Variants in C1orf94 observed in about 807,000 individuals in gnomAD.
C1orf94 encodes the protein chromosome 1 open reading frame 94, also known as uncharacterized protein C1orf94.
Under a neutral mutation model 53.6 loss-of-function variants are expected in C1orf94, and 45 were observed. The ratio of observed to expected loss-of-function variants is 0.84; its 90% confidence interval spans 0.66 to 1.08. C1orf94 has a LOEUF of 1.08. Among genes scored for constraint, C1orf94 ranks in the 50% least tolerant of loss-of-function variants. C1orf94 has a pLI of 0.00. For synonymous variants in C1orf94, 304 were observed against 296.1 expected (o/e 1.03, Z -0.27); for missense variants, 762 against 738.9 (o/e 1.03, Z -0.36).
intron 4 of C1orf94, among the ~76,000 whole-genome samples, chr1:34,202,816 T>G (rs1642733833): frequency 1.3e-5 from 2 of 152,190 alleles, no homozygotes; most frequent in Non-Finnish European, 2.9e-5. Flanking sequence ...GCCCTCTGTA[T>G]CCATGGGTTC....
chr1:34,212,446 A>G (rs1200955179), intron 6 of C1orf94, 40 bp downstream of exon 6: 2 of 1,570,168 alleles, frequency 1.3e-6, no homozygotes, highest in Admixed American at 3.8e-5. Flanking sequence ...GTATCCAGAA[A>G]GCTGGTGGGA....
chr1:34,210,328 C>T (rs1362348225), intron 5 of C1orf94, among the ~76,000 whole-genome samples: 4 of 152,184 alleles, frequency 2.6e-5, no homozygotes, highest in South Asian at 2.1e-4. Context: ...TTGGTGCCTG[C>T]GCCCAGCATC....
At chr1:34,169,912 G>A in intron 1 of C1orf94, among the ~76,000 whole-genome samples, 1 of 152,262 alleles carries the variant, frequency 6.6e-6, no homozygotes, top group East Asian at 1.9e-4. Context: ...AGGTGAGGCT[G>A]TGGGCTTCTG....
Position 34,208,372 on chromosome 1 carries a change from A to T in C1orf94, c.1524+138A>T, listed in dbSNP as rs916299951. 7 of 812,580 alleles carry T rather than the reference A, an allele frequency of 8.6e-6. No individual in the cohort carries two copies. In the Admixed American group the frequency reaches 1.6e-4, roughly 19 times the overall value. 50.3% of individuals were successfully genotyped at this position (812,580 alleles called of 1,614,324 possible). ...TTGGCTCTGGAGTACAGACTCACATACCGGCATGCGTGTGGAAAACACAAA... is the reference window on the plus strand; with the variant it reads ...TTGGCTCTGGAGTACAGACTCACATTCCGGCATGCGTGTGGAAAACACAAA... On this transcript the variant is annotated intron_variant, in intron 5 of 6. Transcript: ENST00000488417.
chr1:34,209,556 C>G (rs528386894), intron 5 of C1orf94, among the ~76,000 whole-genome samples: 1 of 152,296 alleles, frequency 6.6e-6, no homozygotes, highest in Admixed American at 6.5e-5. Flanking sequence ...CCCCCACACT[C>G]CAACTCATAC....
At chr1:34,198,023 C>A in intron 2 of C1orf94, 110 bp downstream of exon 2, 2 of 1,165,362 alleles carry the variant, frequency 1.7e-6, no homozygotes, top group Non-Finnish European at 2.4e-6. Context: ...CAAAGCAAGA[C>A]AAAGCAGCCT....
intron 1 of C1orf94, among the ~76,000 whole-genome samples, chr1:34,196,229 C>T (rs1157885088): frequency 6.6e-6 from 1 of 152,156 alleles, no homozygotes; most frequent in Admixed American, 6.5e-5. Context: ...CCTCTCTACA[C>T]CTGGAGAGAA....
At chr1:34,210,406 A>G (rs1011746834) in intron 5 of C1orf94, among the ~76,000 whole-genome samples, 1 of 152,194 alleles carries the variant, frequency 6.6e-6, no homozygotes, top group African/African-American at 2.4e-5. Context: ...GTTTCCAAAG[A>G]GGACACAGCA....
intron 6 of C1orf94, among the ~76,000 whole-genome samples, chr1:34,218,165 G>A (rs1040476786): frequency 4.6e-5 from 7 of 152,134 alleles, no homozygotes; most frequent in African/African-American, 1.7e-4. Flanking sequence ...ATGTCTCAAT[G>A]CTTATTTCTG....
At chr1:34,213,831 G>A (rs562805577) in intron 6 of C1orf94, among the ~76,000 whole-genome samples, 39 of 152,076 alleles carry the variant, frequency 2.6e-4, no homozygotes, top group Non-Finnish European at 4.4e-4. Flanking sequence ...ATGAGCCACC[G>A]TGCCCAGCAT....
chr1:34,170,237 T>C (rs1191431610), intron 1 of C1orf94, among the ~76,000 whole-genome samples: 2 of 152,212 alleles, frequency 1.3e-5, no homozygotes, highest in African/African-American at 4.8e-5. Flanking sequence ...GAGTCTGTGC[T>C]AGGTGTTGAG....
At chr1:34,193,748 C>G (rs1479243561) in intron 1 of C1orf94, among the ~76,000 whole-genome samples, 1 of 152,226 alleles carries the variant, frequency 6.6e-6, no homozygotes, top group Non-Finnish European at 1.5e-5. Context: ...GGATGACTGG[C>G]TTCCTGTGTG....
At chr1:34,200,117 G>A (rs1465417568) in intron 2 of C1orf94, among the ~76,000 whole-genome samples, 1 of 152,186 alleles carries the variant, frequency 6.6e-6, no homozygotes, top group Non-Finnish European at 1.5e-5. Flanking sequence ...CTCAGGTCAA[G>A]GCCTGGCACT....
chr1:34,201,065 G>A (rs778465663), intron 3 of C1orf94, 33 bp downstream of exon 3: 1 of 1,555,798 alleles, frequency 6.4e-7, no homozygotes, highest in South Asian at 1.2e-5. Flanking sequence ...GGATTGGAGG[G>A]GAGGGGGTTG....
intron 5 of C1orf94, among the ~76,000 whole-genome samples, chr1:34,210,526 C>G (rs973981626): frequency 3.3e-5 from 5 of 152,220 alleles, no homozygotes; most frequent in African/African-American, 1.2e-4. Flanking sequence ...TTCTCTGAAC[C>G]TCAGATTTCC....
intron 1 of C1orf94, among the ~76,000 whole-genome samples, chr1:34,171,208 A>C (rs1642140891): frequency 6.6e-6 from 1 of 152,078 alleles, no homozygotes. Context: ...CCTCAGCTCT[A>C]AGCCATTCTG....
At chr1:34,181,645 G>T (rs959471749) in intron 1 of C1orf94, among the ~76,000 whole-genome samples, 1 of 152,192 alleles carries the variant, frequency 6.6e-6, no homozygotes, top group African/African-American at 2.4e-5. Flanking sequence ...AAATACAAAA[G>T]CTATGATATC....
At chr1:34,182,358 G>A (rs779107719) in intron 1 of C1orf94, among the ~76,000 whole-genome samples, 9 of 152,158 alleles carry the variant, frequency 5.9e-5, no homozygotes, top group African/African-American at 1.4e-4. Context: ...GGATCACTGC[G>A]GGGAGTTCAG....
Position 34,197,284 on chromosome 1 carries a change from T to TA in C1orf94, c.382dup (p.Ser128LysfsTer44). On this transcript the variant is annotated frameshift_variant, in exon 2 of 7. Transcript: ENST00000488417. LOFTEE classifies it high-confidence loss of function. This position sits in a 1 kb window ranked among gnomAD's most constrained non-coding sequence, Gnocchi z 4.1. ...TCCTTGTTGGTGGAACAGGAGTTCC[T>TA]AAGCCTCACCAAAGAGCACTCGATC... is the stretch of plus-strand genomic sequence containing the variant. The TA allele has an allele frequency of 1.9e-6, 3 of 1,552,514 alleles. No individual in the cohort carries two copies. The highest frequency in any genetic ancestry group is 2.6e-6 in the Non-Finnish European group (3 of 1,147,322).
Sources: allele counts gnomAD v4.1 joint callset (sites outside exome capture counted in the v4.1 genomes callset), GRCh38; gene constraint gnomAD v4.1.1; non-coding constraint Gnocchi (gnomAD v3.1); transcripts MANE v1.5; gene names NCBI Gene and HGNC (gene_info 2026-07-23, HGNC 2026-07-21).